The following LPCAT1 variants were observed in gnomAD, a reference collection of about 807,000 sequenced individuals.
The protein encoded by LPCAT1 is 1-acylglycerol-3-phosphate O-acyltransferase.
Under a neutral mutation model 60.9 loss-of-function variants are expected in LPCAT1, and 23 were observed. The observed-to-expected ratio is 0.38, with a 90% confidence interval of 0.27 to 0.53. The LOEUF (loss-of-function observed/expected upper bound fraction) is 0.53. Ranked by LOEUF, LPCAT1 falls within the 20% of genes least tolerant of loss-of-function variation. The pLI is 0.82. For synonymous variants in LPCAT1, 340 were observed against 301.1 expected (o/e 1.13, Z -1.34); for missense variants, 622 against 723.6 (o/e 0.86, Z 1.61).
At chr5:1,511,098 G>GCC (rs2126611004) in intron 1 of LPCAT1, among the ~76,000 whole-genome samples, 1 of 152,316 alleles carries the variant, frequency 6.6e-6, no homozygotes, top group South Asian at 2.1e-4. Flanking sequence ...CGGCACTGAA[G>GCC]CCCCATATCC....
Position 1,483,348 on chromosome 5 carries a change from A to C in LPCAT1, c.726+80T>G. The C allele has an allele frequency of 7.2e-7, 1 of 1,395,620 alleles. No homozygotes were observed. Among genetic ancestry groups the C allele is most frequent in the Non-Finnish European group, 1.0e-6 (1 of 981,744 alleles). 86.5% of individuals were successfully genotyped at this position (1,395,620 alleles called of 1,614,324 possible). On this transcript the variant is annotated intron_variant, in intron 6 of 13. Coordinates refer to ENST00000283415, the MANE Select transcript of LPCAT1 (RefSeq NM_024830.5). This position sits in a 1 kb window ranked among gnomAD's most constrained non-coding sequence, Gnocchi z 9.2. ...ATAAAGGGTGTGGAGAGACAGAGACACAGGTGCACAGAGGCAGCTCGCAGT... is the reference window on the plus strand; with the variant it reads ...ATAAAGGGTGTGGAGAGACAGAGACCCAGGTGCACAGAGGCAGCTCGCAGT...
chr5:1,474,155 G>A (rs1019636088), intron 10 of LPCAT1, 45 bp from the exon 11 acceptor site: 2 of 1,583,514 alleles, frequency 1.3e-6, no homozygotes, highest in African/African-American at 1.4e-5. Context: ...ATAAAATGGT[G>A]GCATGCTAAC....
chr5:1,518,117 C>A (rs1736561343), intron 1 of LPCAT1, among the ~76,000 whole-genome samples: 1 of 152,254 alleles, frequency 6.6e-6, no homozygotes, highest in African/African-American at 2.4e-5. Flanking sequence ...TCTCTCGAGC[C>A]CACCCACTCC....
chr5:1,494,099 G>GC (rs956741369), intron 3 of LPCAT1, among the ~76,000 whole-genome samples: 8 of 151,988 alleles, frequency 5.3e-5, no homozygotes. Context: ...GCTGGAGTGA[G>GC]CCCCCGGCTT....
At position 1,477,494 on chromosome 5, in the gene LPCAT1, C is replaced by G; in HGVS notation, c.817-8G>C. On this transcript the variant is annotated splice_region_variant and splice_polypyrimidine_tract_variant and intron_variant, in intron 8 of 13. Transcript: ENST00000283415. This position sits in a 1 kb window ranked among gnomAD's most constrained non-coding sequence, Gnocchi z 6.0. Reference sequence around the variant, plus strand: ...GCTGTACACAGGAAGGAACTGAGCACACAGAGAAGCTGCGTTAGTATCACA... The same window carrying G: ...GCTGTACACAGGAAGGAACTGAGCAGACAGAGAAGCTGCGTTAGTATCACA... The G allele has an allele frequency of 6.2e-7, 1 of 1,606,498 alleles. No homozygotes were observed. The highest frequency in any genetic ancestry group is 1.1e-5 in the South Asian group (1 of 90,800).
chr5:1,494,378 C>G (rs1470620710), intron 3 of LPCAT1, among the ~76,000 whole-genome samples: 1 of 152,134 alleles, frequency 6.6e-6, no homozygotes, highest in Non-Finnish European at 1.5e-5. Context: ...GCCAATGTGC[C>G]CGGCGGTGGG....
chr5:1,523,512 G>A lies in LPCAT1; in HGVS notation c.135+198C>T, dbSNP rs948069041. Reference sequence around the variant, plus strand: ...TGCGCGTGCGGGCGGCGGGAAGCCGGCGCCGAGACCGAGGCATCGGGTGCG... The same window carrying A: ...TGCGCGTGCGGGCGGCGGGAAGCCGACGCCGAGACCGAGGCATCGGGTGCG... On this transcript the variant is annotated intron_variant, in intron 1 of 13. Coordinates refer to ENST00000283415, the MANE Select transcript of LPCAT1 (RefSeq NM_024830.5). The surrounding 1 kb of genome is among the most constrained non-coding windows in gnomAD (Gnocchi z 7.1). 9.3e-5 allele frequency among the ~76,000 whole-genome samples: 14 copies of A among 151,272 alleles called. No individual in the cohort carries two copies. Among genetic ancestry groups the A allele is most frequent in the African/African-American group, 3.1e-4 (13 of 41,420 alleles).
At chr5:1,515,200 G>C (rs183972680) in intron 1 of LPCAT1, among the ~76,000 whole-genome samples, 10 of 150,638 alleles carry the variant, frequency 6.6e-5, no homozygotes, top group African/African-American at 2.2e-4. Flanking sequence ...CCTGCTACAA[G>C]AAAGAGTCCC....
At chr5:1,492,817 G>C (rs1359335502) in intron 3 of LPCAT1, among the ~76,000 whole-genome samples, 1 of 152,194 alleles carries the variant, frequency 6.6e-6, no homozygotes, top group Admixed American at 6.5e-5. Flanking sequence ...GGCACAGGGA[G>C]AGCCCGGCCA....
chr5:1,487,295 T>C lies in LPCAT1; in HGVS notation c.667+1096A>G, dbSNP rs1735406898. Among the ~76,000 whole-genome samples the C allele has an allele frequency of 6.6e-6, 1 of 152,180 alleles. No homozygotes were observed. The highest frequency in any genetic ancestry group is 1.5e-5 in the Non-Finnish European group (1 of 68,026). The stretch of plus-strand genomic sequence containing the variant: ...AGTGTGGTGGGGGCACACGGATTCG[T>C]GGTCACCGCGTGCCGCCTCCACCCT... On this transcript the variant is annotated intron_variant, in intron 5 of 13. Transcript: ENST00000283415. This position sits in a 1 kb window ranked among gnomAD's most constrained non-coding sequence, Gnocchi z 6.1.
intron 1 of LPCAT1, among the ~76,000 whole-genome samples, chr5:1,514,426 A>G (rs1736444002): frequency 6.6e-6 from 1 of 152,208 alleles, no homozygotes; most frequent in Admixed American, 6.5e-5. Context: ...CTGTTTCTTC[A>G]GTACTGTTCC....
chr5:1,500,891 G>A (rs745783097), intron 2 of LPCAT1, among the ~76,000 whole-genome samples: 1 of 152,234 alleles, frequency 6.6e-6, no homozygotes, highest in Non-Finnish European at 1.5e-5. Context: ...CACGGCACCC[G>A]CACCAGGTCC....
intron 13 of LPCAT1, among the ~76,000 whole-genome samples, chr5:1,466,286 T>C (rs942355898): frequency 6.6e-6 from 1 of 152,090 alleles, no homozygotes; most frequent in Non-Finnish European, 1.5e-5. Flanking sequence ...ACAGGTGACT[T>C]TTCTCGGGAG....
At chr5:1,504,279 A>T (rs190600214) in intron 1 of LPCAT1, among the ~76,000 whole-genome samples, 58 of 152,306 alleles carry the variant, frequency 3.8e-4, no homozygotes, top group Admixed American at 3.4e-3. Context: ...ATCTACTGTT[A>T]CTGTTTCATA....
At chr5:1,508,838 T>TG (rs1321115102) in intron 1 of LPCAT1, among the ~76,000 whole-genome samples, 1 of 152,206 alleles carries the variant, frequency 6.6e-6, no homozygotes, top group Non-Finnish European at 1.5e-5. Flanking sequence ...TTCAGGCAGC[T>TG]GGCAAACCCC....
Position 1,514,797 on chromosome 5 carries a change from A to G in LPCAT1, c.135+8913T>C, listed in dbSNP as rs147321494. On this transcript the variant is annotated intron_variant, in intron 1 of 13. Coordinates refer to ENST00000283415, the MANE Select transcript of LPCAT1 (RefSeq NM_024830.5). ...AGGTCCCCCTGCGTGCTCCGCCAGG[A>G]CCCCACCTTCCACCTCCAGCCAAAA... is the stretch of plus-strand genomic sequence containing the variant. 8.3e-4 allele frequency among the ~76,000 whole-genome samples: 126 copies of G among 151,994 alleles called. 2 individuals are homozygous for G. The South Asian group carries it at 0.015, about 19-fold the overall frequency.
chr5:1,521,523 C>T lies in LPCAT1; in HGVS notation c.135+2187G>A. On this transcript the variant is annotated intron_variant, in intron 1 of 13. Coordinates refer to ENST00000283415, the MANE Select transcript of LPCAT1 (RefSeq NM_024830.5). The surrounding 1 kb of genome is among the most constrained non-coding windows in gnomAD (Gnocchi z 4.3). ...ACATCAAAGTAAAAGCTTTGCAAAG[C>T]AATGCTTGGTGAAAAGCAAAATGTT... The T allele has an allele frequency of 1.2e-5, 12 of 982,200 alleles. No individual in the cohort carries two copies. Among genetic ancestry groups the T allele is most frequent in the Non-Finnish European group, 1.3e-5 (11 of 827,030 alleles). 60.8% of individuals were successfully genotyped at this position (982,200 alleles called of 1,614,324 possible).
In LPCAT1 at chr5:1,463,596, C is replaced by T. The variant is rs1490325993; in HGVS notation, c.*55G>A. On this transcript the variant is annotated 3_prime_UTR_variant, in exon 14 of 14. Coordinates refer to ENST00000283415, the MANE Select transcript of LPCAT1 (RefSeq NM_024830.5). Reference sequence around the variant, plus strand: ...AGCCCAGAGGTCACTCGCAAAGAGGCTCATGGCGGTGATGTCCACGCGGGA... The same window carrying T: ...AGCCCAGAGGTCACTCGCAAAGAGGTTCATGGCGGTGATGTCCACGCGGGA... 3 of 1,587,882 alleles carry T rather than the reference C, an allele frequency of 1.9e-6. No individual in the cohort carries two copies. The highest frequency in any genetic ancestry group is 2.6e-6 in the Non-Finnish European group (3 of 1,163,550).
intron 5 of LPCAT1, among the ~76,000 whole-genome samples, chr5:1,484,970 A>T (rs1337650690): frequency 6.6e-6 from 1 of 152,186 alleles, no homozygotes; most frequent in Non-Finnish European, 1.5e-5. Flanking sequence ...GCACAGACCC[A>T]GGCTCAAGCC....
Sources: allele counts gnomAD v4.1 joint callset (sites outside exome capture counted in the v4.1 genomes callset), GRCh38; gene constraint gnomAD v4.1.1; non-coding constraint Gnocchi (gnomAD v3.1); transcripts MANE v1.5; gene names NCBI Gene and HGNC (gene_info 2026-07-23, HGNC 2026-07-21).